The following PRDM5 variants were observed in gnomAD, a reference collection of about 807,000 sequenced individuals.
PRDM5 encodes PR domain zinc finger protein 5.
Under a neutral mutation model 81.2 loss-of-function variants are expected in PRDM5, and 56 were observed. That is an observed-to-expected ratio of 0.69 (90% CI 0.56 to 0.86). The LOEUF is 0.86. Among genes scored for constraint, PRDM5 ranks in the 40% least tolerant of loss-of-function variants. The pLI is 0.00. For synonymous variants in PRDM5, 267 were observed against 256.4 expected (o/e 1.04, Z -0.39); for missense variants, 697 against 770.1 (o/e 0.91, Z 1.12).
chr4:120,877,422 T>C (rs1762422610), intron 2 of PRDM5, among the ~76,000 whole-genome samples: 1 of 152,256 alleles, frequency 6.6e-6, no homozygotes, highest in African/African-American at 2.4e-5. Context: ...ATCATGTTCC[T>C]GGGATAACTG....
Position 120,832,788 on chromosome 4 carries a change from C to T in PRDM5, c.301-11443G>A, listed in dbSNP as rs187887677. On this transcript the variant is annotated intron_variant, in intron 3 of 15. Transcript: ENST00000264808. ...ACAATGGGGTTGTAGAATAAATTTC[C>T]TATTCTCAACAAATTCTTAAGAAGT... 3.4e-3 allele frequency among the ~76,000 whole-genome samples: 511 copies of T among 152,152 alleles called. 2 individuals are homozygous for T. Among genetic ancestry groups the T allele is most frequent in the African/African-American group, 0.011 (471 of 41,510 alleles).
chr4:120,899,763 T>G (rs2148656479), intron 2 of PRDM5, among the ~76,000 whole-genome samples: 2 of 152,282 alleles, frequency 1.3e-5, no homozygotes, highest in South Asian at 4.1e-4. Flanking sequence ...ATCCCACAGG[T>G]TGAAGGCTCA....
Position 120,698,618 on chromosome 4 carries a change from T to C in PRDM5, c.1729-3343A>G, listed in dbSNP as rs569713352. Among the ~76,000 whole-genome samples the C allele has an allele frequency of 6.6e-5, 10 of 152,306 alleles. No individual in the cohort carries two copies. The South Asian group carries it at 2.1e-3, about 32-fold the overall frequency. On this transcript the variant is annotated intron_variant, in intron 15 of 15. Coordinates refer to ENST00000264808, the MANE Select transcript of PRDM5 (RefSeq NM_018699.4). ...ACAGTGGAGTACTTAACTGACCACT[T>C]GGATAGTTCACTGGTACTCCAAACT...
chr4:120,803,928 C>A (rs1009690402), intron 8 of PRDM5, among the ~76,000 whole-genome samples: 2 of 152,110 alleles, frequency 1.3e-5, no homozygotes, highest in African/African-American at 4.8e-5. Flanking sequence ...AGAGAGTCAA[C>A]ACCCATCAGT....
intron 7 of PRDM5, 68 bp from the exon 8 acceptor site, chr4:120,811,517 C>T (rs1480595679): frequency 1.1e-5 from 11 of 966,102 alleles, no homozygotes; most frequent in Admixed American, 7.6e-5. Flanking sequence ...AATAGTGTTT[C>T]GAGGTGATAT....
At chr4:120,749,442 A>T (rs535622987) in intron 14 of PRDM5, among the ~76,000 whole-genome samples, 1 of 152,106 alleles carries the variant, frequency 6.6e-6, no homozygotes, top group Non-Finnish European at 1.5e-5. Context: ...TACCTTAGAG[A>T]GCCCCCAGGT....
intron 15 of PRDM5, among the ~76,000 whole-genome samples, 180 bp downstream of exon 15, chr4:120,710,129 G>A (rs1343560699): frequency 1.3e-5 from 2 of 152,010 alleles, no homozygotes; most frequent in Non-Finnish European, 2.9e-5. Context: ...TGATTACAAT[G>A]CAGTTACATG....
intron 3 of PRDM5, among the ~76,000 whole-genome samples, chr4:120,836,144 TA>T (rs1199953456): frequency 3.3e-5 from 5 of 152,006 alleles, no homozygotes; most frequent in African/African-American, 1.2e-4. Flanking sequence ...ACCTACAAGG[TA>T]AGTGTTCATC....
At chr4:120,906,043 T>C (rs1765758348) in intron 2 of PRDM5, among the ~76,000 whole-genome samples, 1 of 152,080 alleles carries the variant, frequency 6.6e-6, no homozygotes, top group South Asian at 2.1e-4. Flanking sequence ...AAGATCATAG[T>C]TCACTGCAGC....
At chr4:120,724,049 A>G (rs989299859) in intron 14 of PRDM5, among the ~76,000 whole-genome samples, 6 of 151,378 alleles carry the variant, frequency 4.0e-5, no homozygotes, top group Non-Finnish European at 7.4e-5. Context: ...TTAGGAAGAA[A>G]AATATTAAAT....
chr4:120,879,771 C>T (rs964728952), intron 2 of PRDM5, among the ~76,000 whole-genome samples: 4 of 151,938 alleles, frequency 2.6e-5, no homozygotes, highest in African/African-American at 9.7e-5. Context: ...GTGCCCCTCC[C>T]CTGTGTTGTT....
intron 4 of PRDM5, 107 bp from the exon 5 acceptor site, chr4:120,818,634 C>A: frequency 2.1e-6 from 2 of 949,138 alleles, no homozygotes; most frequent in East Asian, 2.6e-5. Flanking sequence ...TTAATGATAC[C>A]ATATGAATAA....
chr4:120,772,220 C>A (rs1270071744), intron 13 of PRDM5, among the ~76,000 whole-genome samples: 1 of 152,160 alleles, frequency 6.6e-6, no homozygotes, highest in Admixed American at 6.5e-5. Flanking sequence ...AACTCAGAGT[C>A]CCCTGAACCC....
chr4:120,744,566 C>A (rs1024311033), intron 14 of PRDM5, among the ~76,000 whole-genome samples: 1 of 152,010 alleles, frequency 6.6e-6, no homozygotes, highest in Non-Finnish European at 1.5e-5. Context: ...AGAGAAGAAT[C>A]AAATAGACGC....
chr4:120,695,565 C>T (rs1212633680), intron 15 of PRDM5, among the ~76,000 whole-genome samples: 1 of 152,104 alleles, frequency 6.6e-6, no homozygotes, highest in East Asian at 1.9e-4. Flanking sequence ...CTCTCTATAA[C>T]ATAAATGGCA....
At chr4:120,774,992 A>G (rs13108679) in intron 13 of PRDM5, among the ~76,000 whole-genome samples, 5 of 149,370 alleles carry the variant, frequency 3.3e-5, no homozygotes, top group East Asian at 3.9e-4. Flanking sequence ...GTATATGTGT[A>G]TATATATATA....
At chr4:120,798,690 T>C (rs546571130) in intron 9 of PRDM5, among the ~76,000 whole-genome samples, 1 of 152,306 alleles carries the variant, frequency 6.6e-6, no homozygotes. Flanking sequence ...AGGACTCCTA[T>C]TTCCAGATGA....
At chr4:120,835,290 T>C (rs1757212094) in intron 3 of PRDM5, among the ~76,000 whole-genome samples, 1 of 152,178 alleles carries the variant, frequency 6.6e-6, no homozygotes, top group Admixed American at 6.5e-5. Context: ...TACTGAAGTA[T>C]ATAATAGAAA....
chr4:120,688,178 T>A (rs758840644), downstream of PRDM5, among the ~76,000 whole-genome samples: 2 of 152,134 alleles, frequency 1.3e-5, no homozygotes, highest in African/African-American at 4.8e-5. Flanking sequence ...CCATTCTAAT[T>A]GGTGTGAGGT....
Sources: allele counts gnomAD v4.1 joint callset (sites outside exome capture counted in the v4.1 genomes callset), GRCh38; gene constraint gnomAD v4.1.1; transcripts MANE v1.5; gene names NCBI Gene and HGNC (gene_info 2026-07-23, HGNC 2026-07-21).